Variants in USP3 observed in about 807,000 individuals in gnomAD.
USP3 encodes the protein ubiquitin carboxyl-terminal hydrolase 3.
USP3 carries 20 observed loss-of-function variants against 72.3 expected under a neutral mutation model. The ratio of observed to expected loss-of-function variants is 0.28; its 90% CI spans 0.19 to 0.40. The LOEUF is 0.40. Ranked by LOEUF, USP3 falls within the 10% of genes least tolerant of loss-of-function variation. USP3 has a pLI of 1.00. For missense variants in USP3, 479 were observed against 633.9 expected, an observed-to-expected ratio of 0.76 and a Z score of 2.62; for synonymous variants, 222 against 225.3, an observed-to-expected ratio of 0.99 and a Z score of 0.13.
At chr15:63,569,945 C>T (rs1274317208) in intron 8 of USP3, among the ~76,000 whole-genome samples, 3 of 152,184 alleles carry the variant, frequency 2.0e-5, no homozygotes, top group Non-Finnish European at 4.4e-5. Context: ...TCTAAGGAGT[C>T]ATTAATAATT....
intron 1 of USP3, among the ~76,000 whole-genome samples, chr15:63,512,314 T>TTCCTCC (rs2065796402): frequency 1.7e-5 from 2 of 120,630 alleles, no homozygotes; most frequent in Admixed American, 8.3e-5. Context: ...CCTCTTCTTC[T>TTCCTCC]TCTTCCTCTT....
intron 11 of USP3, among the ~76,000 whole-genome samples, chr15:63,579,380 CT>C (rs1482221450): frequency 1.1e-4 from 16 of 152,086 alleles, no homozygotes. Flanking sequence ...AGGAAATGTC[CT>C]AGAACTACTA....
chr15:63,524,251 G>T (rs1368525335), intron 1 of USP3, among the ~76,000 whole-genome samples: 2 of 152,212 alleles, frequency 1.3e-5, no homozygotes, highest in Non-Finnish European at 2.9e-5. Flanking sequence ...GTTGTAGAGG[G>T]AGTAGTATAG....
rs896878219 is a variant in USP3, at chr15:63,508,763, G to C, written c.91+3933G>C. Reference sequence around the variant, plus strand: ...AAGGAAAGCCAAGGACCAAGCATTTGAACTTGAGGGTTTGGGTTAAACAGC... The same window carrying C: ...AAGGAAAGCCAAGGACCAAGCATTTCAACTTGAGGGTTTGGGTTAAACAGC... On this transcript the variant is annotated intron_variant, in intron 1 of 14. Coordinates refer to ENST00000380324, the MANE Select transcript of USP3 (RefSeq NM_006537.4). Among the ~76,000 whole-genome samples, 23 of 152,296 alleles carry C rather than the reference G, an allele frequency of 1.5e-4. 1 individual carries two copies. The highest frequency in any genetic ancestry group is 1.5e-3 in the Admixed American group (23 of 15,304).
At chr15:63,533,838 C>G in intron 2 of USP3, 1 of 1,228,800 alleles carries the variant, frequency 8.1e-7, no homozygotes, top group Non-Finnish European at 1.0e-6. Flanking sequence ...GTACAGATAA[C>G]TTTTTTTTAA....
Position 63,504,598 on chromosome 15 carries a change from T to A in USP3, c.-142T>A, listed in dbSNP as rs1263823226. The A allele has an allele frequency of 2.7e-5, 17 of 624,194 alleles. No homozygotes were observed. Among genetic ancestry groups the A allele is most frequent in the Non-Finnish European group, 4.1e-5 (16 of 393,444 alleles). The allele number at this position is 624,194 out of a possible 1,614,324, so 38.7% of individuals were successfully genotyped here. Reference sequence around the variant, plus strand: ...CCGGCGTCCGGAAGCCCGTGCTTTCTTTGACGCAAGGGCTCGAGACGCAGC... The same window carrying A: ...CCGGCGTCCGGAAGCCCGTGCTTTCATTGACGCAAGGGCTCGAGACGCAGC... On this transcript the variant is annotated 5_prime_UTR_variant, in exon 1 of 15. Transcript: ENST00000380324.
At chr15:63,505,131 G>T (rs7166900) in intron 1 of USP3, among the ~76,000 whole-genome samples, 6 of 151,578 alleles carry the variant, frequency 4.0e-5, no homozygotes, top group Non-Finnish European at 8.9e-5. Flanking sequence ...AGCTGCGTGC[G>T]CCCTTGCCCC....
chr15:63,536,570 TATAATTAAA>T (rs568496274), intron 2 of USP3, among the ~76,000 whole-genome samples: 2 of 152,196 alleles, frequency 1.3e-5, no homozygotes, highest in South Asian at 4.1e-4. Context: ...TACTCTTGTA[TATAATTAAA>T]AGTTGACTAT....
chr15:63,527,794 C>T (rs925098338), intron 1 of USP3: 1 of 152,250 alleles, frequency 6.6e-6, no homozygotes, highest in Non-Finnish European at 1.5e-5. Flanking sequence ...CCGTATAGCA[C>T]GGACTAAACC....
In USP3 at chr15:63,559,981, A is replaced by C. The variant is rs777184452; in HGVS notation, c.647+11A>C. On this transcript the variant is annotated intron_variant, in intron 7 of 14. Coordinates refer to ENST00000380324, the MANE Select transcript of USP3 (RefSeq NM_006537.4). ...AGGGGATAACAATGTGTGAGTTATA[A>C]GAGTATGTCCTTTCTGGCTTTGAGT... 6.2e-7 allele frequency: 1 copy of C among 1,609,058 alleles called. No homozygotes were observed. The highest frequency in any genetic ancestry group is 8.5e-7 in the Non-Finnish European group (1 of 1,177,258).
intron 1 of USP3, among the ~76,000 whole-genome samples, chr15:63,524,501 G>T (rs1451167199): frequency 6.6e-6 from 1 of 152,180 alleles, no homozygotes; most frequent in Non-Finnish European, 1.5e-5. Flanking sequence ...AATTTTGTGG[G>T]CCAAGAATTC....
At chr15:63,558,849 T>A (rs550158844) in intron 6 of USP3, among the ~76,000 whole-genome samples, 1 of 152,316 alleles carries the variant, frequency 6.6e-6, no homozygotes, top group East Asian at 1.9e-4. Flanking sequence ...CACTCCAGCC[T>A]GGGTGACAAA....
chr15:63,583,595 T>G (rs1168713447), intron 11 of USP3, among the ~76,000 whole-genome samples: 1 of 152,220 alleles, frequency 6.6e-6, no homozygotes, highest in Non-Finnish European at 1.5e-5. Context: ...TAAAAATTTT[T>G]GTCATCCTAA....
In USP3 at chr15:63,544,534, C is replaced by T. The variant is rs181118602; in HGVS notation, c.284+7378C>T. ...GTGCAGGGCAAAAACAGGAAGGAAACGAGTGTTTCTAAAGTTAGAATTTTT... is the reference window on the plus strand; with the variant it reads ...GTGCAGGGCAAAAACAGGAAGGAAATGAGTGTTTCTAAAGTTAGAATTTTT... On this transcript the variant is annotated intron_variant, in intron 3 of 14. Transcript: ENST00000380324. This position sits in a 1 kb window ranked among gnomAD's most constrained non-coding sequence, Gnocchi z 4.2. The T allele has an allele frequency of 3.2e-5, 18 of 570,272 alleles. No homozygotes were observed. The highest frequency in any genetic ancestry group is 6.5e-5 in the Admixed American group (2 of 30,584). The allele number at this position is 570,272 out of a possible 1,614,324, so 35.3% of individuals were successfully genotyped here. A position where few individuals can be genotyped will look rare whatever the true frequency, so the allele number is the denominator to read the frequency against.
intron 11 of USP3, among the ~76,000 whole-genome samples, chr15:63,579,262 C>T (rs753501042): frequency 6.6e-6 from 1 of 152,120 alleles, no homozygotes; most frequent in Non-Finnish European, 1.5e-5. Flanking sequence ...CAAATTACTC[C>T]CTACATTTAT....
In USP3 at chr15:63,504,812, T is replaced by C; in HGVS notation, c.73T>C (p.Ser25Pro). 1 of 1,609,890 alleles carries C rather than the reference T, an allele frequency of 6.2e-7. No individual in the cohort carries two copies. Among genetic ancestry groups the C allele is most frequent in the Non-Finnish European group, 8.5e-7 (1 of 1,178,520 alleles). ...DSAKFPNGSP[S>P]SWCCSVCRSN... ...AGCCAAGTTCCCCAACGGCTCCCCG[T>C]CGTCCTGGTGCTGCAGCGGTGAGTG... Residue 25 changes from serine (S) to proline (P), a missense_variant, in exon 1 of 15, where the codon TCG becomes CCG. Coordinates refer to ENST00000380324, the MANE Select transcript of USP3 (RefSeq NM_006537.4).
At chr15:63,504,978 G>A in intron 1 of USP3, 148 bp downstream of exon 1, 1 of 453,914 alleles carries the variant, frequency 2.2e-6, no homozygotes, top group Non-Finnish European at 3.1e-6. Flanking sequence ...GGTACGCGAT[G>A]AGGCGGGCGC....
chr15:63,573,683 A>AG (rs1417072826), intron 9 of USP3, among the ~76,000 whole-genome samples: 11 of 152,198 alleles, frequency 7.2e-5, no homozygotes, highest in African/African-American at 2.4e-4. Context: ...TTCCAATACA[A>AG]GGCAGTTTCA....
At chr15:63,546,418 G>A (rs537099529) in intron 3 of USP3, among the ~76,000 whole-genome samples, 123 of 151,918 alleles carry the variant, frequency 8.1e-4, no homozygotes, top group Non-Finnish European at 2.8e-4. Context: ...TATGAGTTAC[G>A]TACTTTTTTG....
Sources: gnomAD v4.1 joint callset for allele counts (sites outside exome capture counted in the v4.1 genomes callset) on GRCh38, gnomAD v4.1.1 for gene constraint, Gnocchi (gnomAD v3.1) non-coding constraint, MANE v1.5 for transcripts, NCBI Gene and HGNC (gene_info 2026-07-23, HGNC 2026-07-21) for gene names.